The following ENPP2 variants were observed in gnomAD, a reference collection of about 807,000 sequenced individuals.
ENPP2 encodes the protein autotaxin.
A neutral mutation model predicts 120.2 loss-of-function variants in ENPP2; 51 were observed. The ratio of observed to expected loss-of-function variants is 0.42; its 90% CI spans 0.34 to 0.54. The LOEUF (loss-of-function observed/expected upper bound fraction) is 0.54, where lower values mean the gene tolerates loss of function less well. ENPP2 is among the 20% of genes least tolerant of loss of function. ENPP2 has a pLI of 0.04. For missense variants in ENPP2, 920 were observed against 1,066.5 expected (o/e 0.86, Z 1.91); for synonymous variants, 365 against 366.4 (o/e 1.00, Z 0.04).
chr8:119,629,751 C>A (rs1816528616), intron 2 of ENPP2, among the ~76,000 whole-genome samples: 1 of 151,556 alleles, frequency 6.6e-6, no homozygotes, highest in Admixed American at 6.6e-5. Context: ...GCATGCTGAA[C>A]CATAAGAAAC....
At chr8:119,572,957 G>C (rs1815131216) in intron 19 of ENPP2, 1 of 152,224 alleles carries the variant, frequency 6.6e-6, no homozygotes, top group Admixed American at 6.5e-5. Flanking sequence ...GTTAAACCAG[G>C]CTGGCCCCAT....
In ENPP2 at chr8:119,579,653, G is replaced by A. The variant is rs555076888; in HGVS notation, c.1780+463C>T. Reference sequence around the variant, plus strand: ...GTACGTAAAGTAAGAGTTAGGGCTTGAGATGATCCTTCATATGAGGAGGGA... The same window carrying A: ...GTACGTAAAGTAAGAGTTAGGGCTTAAGATGATCCTTCATATGAGGAGGGA... On this transcript the variant is annotated intron_variant, in intron 19 of 24. Coordinates refer to ENST00000075322, the MANE Select transcript of ENPP2 (RefSeq NM_001040092.3). Among the ~76,000 whole-genome samples the A allele has an allele frequency of 6.4e-4, 98 of 151,978 alleles. No homozygotes were observed. The Middle Eastern group carries it at 0.01, about 16-fold the overall frequency.
At chr8:119,561,443 G>T (rs1813920491) in intron 24 of ENPP2, among the ~76,000 whole-genome samples, 1 of 152,162 alleles carries the variant, frequency 6.6e-6, no homozygotes. Flanking sequence ...ATCTTCTGTA[G>T]ATTACATCTC....
At chr8:119,580,943 T>A (rs1001985359) in intron 18 of ENPP2, 15 of 152,134 alleles carry the variant, frequency 9.9e-5, no homozygotes, top group Admixed American at 5.2e-4. Flanking sequence ...TTTAGGAAAC[T>A]ATACAAAAGA....
chr8:119,623,404 G>T (rs1816047495), intron 3 of ENPP2, among the ~76,000 whole-genome samples: 1 of 152,074 alleles, frequency 6.6e-6, no homozygotes, highest in Non-Finnish European at 1.5e-5. Context: ...GGCAGAGGTT[G>T]CAGTGAGCCA....
rs1193258971 is a variant in ENPP2, at chr8:119,586,710, A to C, written c.1239+334T>G. ...ATGCTCTTGTACCACTAAGGTCGCT[A>C]CCCAGCATCCGGGAACAATGGAGCA... On this transcript the variant is annotated intron_variant, in intron 14 of 24. Coordinates refer to ENST00000075322, the MANE Select transcript of ENPP2 (RefSeq NM_001040092.3). 2.6e-5 allele frequency among the ~76,000 whole-genome samples: 4 copies of C among 152,132 alleles called. No individual in the cohort carries two copies. The East Asian group carries it at 7.7e-4, about 29-fold the overall frequency.
At chr8:119,578,833 T>TAC (rs1812529914) in intron 19 of ENPP2, among the ~76,000 whole-genome samples, 2 of 152,146 alleles carry the variant, frequency 1.3e-5, no homozygotes, top group African/African-American at 4.8e-5. Context: ...ATGATGGAGA[T>TAC]ACAGAAAAGG....
chr8:119,606,966 T>C (rs1020912249), intron 9 of ENPP2, among the ~76,000 whole-genome samples: 3 of 152,152 alleles, frequency 2.0e-5, no homozygotes, highest in Admixed American at 1.3e-4. Flanking sequence ...AACATGTTGA[T>C]ACTTTTATTA....
At chr8:119,583,507 G>A (rs1812892334) in intron 17 of ENPP2, among the ~76,000 whole-genome samples, 1 of 152,162 alleles carries the variant, frequency 6.6e-6, no homozygotes, top group African/African-American at 2.4e-5. Context: ...CTATGAAAAC[G>A]CCCCATTAGT....
At chr8:119,628,061 A>T (rs1760129631) in intron 2 of ENPP2, among the ~76,000 whole-genome samples, 1 of 151,740 alleles carries the variant, frequency 6.6e-6, no homozygotes, top group South Asian at 2.1e-4. Context: ...AAAATATTTT[A>T]AAATAGAAAA....
chr8:119,590,527 G>C lies in ENPP2; in HGVS notation c.1185C>G (p.Ser395=), dbSNP rs1460909374. The change falls in exon 13 of 25, where the codon TCC becomes TCG. Residue 395 remains serine, a synonymous_variant. Transcript: ENST00000075322. The stretch of plus-strand genomic sequence containing the variant: ...TACATTTAGCATTGTTGCTAAATTT[G>C]GATCGAATTCTTCCTAGAGTTCCAG... The part of the protein sequence containing the change: ...LVPGTLGRIR[S]KFSNNAKYDP... 3 of 1,596,678 alleles carry C rather than the reference G, an allele frequency of 1.9e-6. No individual in the cohort carries two copies. The highest frequency in any genetic ancestry group is 2.3e-5 in the South Asian group (2 of 87,642).
intron 11 of ENPP2, among the ~76,000 whole-genome samples, chr8:119,596,823 T>G (rs1813928700): frequency 1.3e-5 from 2 of 152,200 alleles, no homozygotes; most frequent in African/African-American, 4.8e-5. Flanking sequence ...CGTTGCATGC[T>G]ATGGGTTTTG....
intron 1 of ENPP2, among the ~76,000 whole-genome samples, chr8:119,669,317 A>C (rs1818172228): frequency 6.6e-6 from 1 of 152,230 alleles, no homozygotes; most frequent in South Asian, 2.1e-4. Context: ...CAATGTTGTG[A>C]ACTGATTAAA....
At chr8:119,639,778 G>C (rs1563765560), upstream of ENPP2, among the ~76,000 whole-genome samples, 1 of 152,186 alleles carries the variant, frequency 6.6e-6, no homozygotes, top group Non-Finnish European at 1.5e-5. Flanking sequence ...CAAATACTGT[G>C]TCCTTTGAGG....
intron 4 of ENPP2, among the ~76,000 whole-genome samples, chr8:119,620,895 A>G (rs1159751708): frequency 1.3e-5 from 2 of 152,272 alleles, no homozygotes; most frequent in South Asian, 4.1e-4. Flanking sequence ...TCCAATAGAT[A>G]AAAAAGCCCT....
chr8:119,673,241 G>T (rs908145427), intron 1 of ENPP2: 77 of 1,532,708 alleles, frequency 5.0e-5, no homozygotes, highest in Non-Finnish European at 6.4e-5. Context: ...AGAGAGAGGC[G>T]CATACCGTAC....
chr8:119,616,130 A>C (rs1023589835), intron 8 of ENPP2, 135 bp downstream of exon 8: 2 of 694,596 alleles, frequency 2.9e-6, no homozygotes, highest in African/African-American at 3.6e-5. Context: ...GTATATTAAA[A>C]GTATCAAAAG....
At chr8:119,563,159 A>T in intron 23 of ENPP2, 146 bp from the exon 24 acceptor site, 2 of 645,358 alleles carry the variant, frequency 3.1e-6, no homozygotes, top group Admixed American at 6.3e-5. Context: ...GCACTAGCCC[A>T]CTTCTATGTC....
intron 24 of ENPP2, among the ~76,000 whole-genome samples, chr8:119,561,640 A>G (rs1189941334): frequency 1.3e-5 from 2 of 152,158 alleles, no homozygotes; most frequent in Admixed American, 6.5e-5. Flanking sequence ...TCATGATGCC[A>G]TCCTGCATCC....
Sources: gnomAD v4.1 joint callset for allele counts (sites outside exome capture counted in the v4.1 genomes callset) on GRCh38, gnomAD v4.1.1 for gene constraint, MANE v1.5 for transcripts, NCBI Gene and HGNC (gene_info 2026-07-23, HGNC 2026-07-21) for gene names.